Variants in BRD10 observed in about 807,000 individuals in gnomAD.
The protein encoded by BRD10 is bromodomain containing 10.
the BRD10 span, chr9:5,968,565 T>A: frequency 6.2e-7 from 1 of 1,613,952 alleles, no homozygotes; most frequent in South Asian, 1.1e-5. Context: ...ATGTCATGAT[T>A]ATCCAAGATC....
chr9:5,992,109 T>C, the BRD10 span, among the ~76,000 whole-genome samples: 1 of 152,226 alleles, frequency 6.6e-6, no homozygotes, highest in African/African-American at 2.4e-5. Flanking sequence ...CCTATCACTC[T>C]CTATTCTTAC....
chr9:5,958,840 A>G, the BRD10 span, among the ~76,000 whole-genome samples: 54,502 of 152,000 alleles, frequency 0.36, 11,928 homozygotes, highest in Non-Finnish European at 0.5. Flanking sequence ...TGAATTTGCA[A>G]AGTGCCTGGG....
chr9:5,885,743 C>T, the BRD10 span, among the ~76,000 whole-genome samples: 152 of 152,226 alleles, frequency 1.0e-3, no homozygotes, highest in Admixed American at 1.4e-3. Flanking sequence ...CAGATGAAGA[C>T]GGAATAGCTC....
the BRD10 span, among the ~76,000 whole-genome samples, chr9:5,923,900 A>G: frequency 6.6e-6 from 1 of 152,344 alleles, no homozygotes; most frequent in East Asian, 1.9e-4. Context: ...TCTGTTGCCC[A>G]TATTAACCTC....
the BRD10 span, among the ~76,000 whole-genome samples, chr9:5,902,666 TTC>T: frequency 2.7e-5 from 4 of 150,238 alleles, no homozygotes; most frequent in Non-Finnish European, 4.4e-5. Flanking sequence ...CTGATTAATT[TTC>T]TTTTTTTTTT....
At chr9:5,952,755 CA>C in the BRD10 span, among the ~76,000 whole-genome samples, 1 of 152,110 alleles carries the variant, frequency 6.6e-6, no homozygotes, top group Admixed American at 6.6e-5. Context: ...CTGAGAAAAA[CA>C]AAAGTCGGAG....
the BRD10 span, among the ~76,000 whole-genome samples, chr9:5,904,735 G>C: frequency 6.6e-6 from 1 of 150,424 alleles, no homozygotes; most frequent in African/African-American, 2.4e-5. Flanking sequence ...AAAGTGCTAG[G>C]ATTACAGGCG....
the BRD10 span, chr9:5,923,102 A>G: frequency 6.2e-7 from 1 of 1,613,858 alleles, no homozygotes; most frequent in African/African-American, 1.3e-5. Flanking sequence ...ATCACTTTCT[A>G]GATTCTCAAC....
At chr9:5,938,266 C>A in the BRD10 span, among the ~76,000 whole-genome samples, 2 of 152,036 alleles carry the variant, frequency 1.3e-5, no homozygotes, top group African/African-American at 4.8e-5. Flanking sequence ...CACAGCAAGA[C>A]CTTATCTCTT....
At chr9:5,985,708 C>G in the BRD10 span, among the ~76,000 whole-genome samples, 1 of 152,008 alleles carries the variant, frequency 6.6e-6, no homozygotes, top group Non-Finnish European at 1.5e-5. Context: ...TCGCTTGAAC[C>G]TGGGAGGCGG....
the BRD10 span, among the ~76,000 whole-genome samples, chr9:6,005,398 G>C: frequency 6.6e-6 from 1 of 152,222 alleles, no homozygotes; most frequent in South Asian, 2.1e-4. Context: ...CCAGCTACTC[G>C]GGACGCTGAG....
At chr9:5,926,716 A>G in the BRD10 span, among the ~76,000 whole-genome samples, 1 of 151,972 alleles carries the variant, frequency 6.6e-6, no homozygotes, top group South Asian at 2.1e-4. Context: ...TGTTTTTAGT[A>G]GAGACGGGGT....
chr9:5,944,077 T>C, the BRD10 span, among the ~76,000 whole-genome samples: 19 of 152,284 alleles, frequency 1.2e-4, no homozygotes, highest in Admixed American at 1.1e-3. Flanking sequence ...GTTCTGAGCA[T>C]AGATCTAAAA....
At chr9:5,923,462 G>A in the BRD10 span, among the ~76,000 whole-genome samples, 9 of 152,202 alleles carry the variant, frequency 5.9e-5, no homozygotes, top group Admixed American at 5.9e-4. Context: ...CACTGATGAA[G>A]ACAAAGGTAA....
chr9:5,896,997 T>C, the BRD10 span, among the ~76,000 whole-genome samples: 1 of 152,248 alleles, frequency 6.6e-6, no homozygotes, highest in Non-Finnish European at 1.5e-5. Flanking sequence ...TGTTTTGTGC[T>C]AGCTCTGTAT....
At chr9:5,943,663 A>C in the BRD10 span, among the ~76,000 whole-genome samples, 1 of 152,164 alleles carries the variant, frequency 6.6e-6, no homozygotes, top group Non-Finnish European at 1.5e-5. Context: ...ACATCAAGAG[A>C]CTGCCTATAC....
At chr9:5,985,077 CAG>C in the BRD10 span, among the ~76,000 whole-genome samples, 12 of 152,072 alleles carry the variant, frequency 7.9e-5, no homozygotes, top group Middle Eastern at 3.4e-3. Flanking sequence ...CTAAATGAAA[CAG>C]AACACAGTTC....
At chr9:6,007,086 A>AGC in the BRD10 span, 1 of 1,117,160 alleles carries the variant, frequency 9.0e-7, no homozygotes, top group Non-Finnish European at 1.3e-6. Flanking sequence ...GCACCGACTC[A>AGC]GCACCTATCA....
At chr9:5,988,656 C>A in the BRD10 span, 1 of 734,630 alleles carries the variant, frequency 1.4e-6, no homozygotes, top group Non-Finnish European at 2.2e-6. Context: ...AGTATTTAAA[C>A]CTTACTTACT....
Sources: allele counts gnomAD v4.1 joint callset (sites outside exome capture counted in the v4.1 genomes callset), GRCh38; gene constraint gnomAD v4.1.1; transcripts MANE v1.5; gene names NCBI Gene and HGNC (gene_info 2026-07-23, HGNC 2026-07-21).